CDH20: variants seen among roughly 807,000 people sequenced by gnomAD.
The protein encoded by CDH20 is cadherin-20.
A neutral mutation model predicts 74.2 loss-of-function variants in CDH20; 29 were observed. That is an observed-to-expected ratio of 0.39 (90% confidence interval 0.29 to 0.53). The LOEUF is 0.53. Ranked by LOEUF, CDH20 falls within the 20% of genes least tolerant of loss-of-function variation. CDH20 has a pLI of 0.69. For missense variants in CDH20, 988 were observed against 1,048.3 expected (o/e 0.94, Z 0.79); for synonymous variants, 469 against 405.4 (o/e 1.16, Z -1.88).
At chr18:61,524,621 A>G (rs1297577216) in intron 6 of CDH20, among the ~76,000 whole-genome samples, 1 of 152,226 alleles carries the variant, frequency 6.6e-6, no homozygotes, top group Non-Finnish European at 1.5e-5. Flanking sequence ...GGAAATAAAA[A>G]AAGAACAAAC....
chr18:61,457,542 G>A (rs1909615166), intron 1 of CDH20, among the ~76,000 whole-genome samples: 1 of 152,006 alleles, frequency 6.6e-6, no homozygotes, highest in East Asian at 1.9e-4. Flanking sequence ...TTCCTAGCTG[G>A]GTAATTTTCT....
At chr18:61,531,441 A>G (rs534960944) in intron 7 of CDH20, among the ~76,000 whole-genome samples, 1 of 152,252 alleles carries the variant, frequency 6.6e-6, no homozygotes, top group South Asian at 2.1e-4. Flanking sequence ...TGCATGTGTC[A>G]GGAGCTGAAA....
At chr18:61,366,523 C>A (rs1026686162) in intron 1 of CDH20, among the ~76,000 whole-genome samples, 7 of 151,932 alleles carry the variant, frequency 4.6e-5, no homozygotes, top group African/African-American at 1.7e-4. Context: ...TTTTTTATAA[C>A]AAGTGTTTGA....
chr18:61,382,251 CT>C (rs1911456432), intron 1 of CDH20, among the ~76,000 whole-genome samples: 1 of 152,192 alleles, frequency 6.6e-6, no homozygotes, highest in Non-Finnish European at 1.5e-5. Context: ...TAAGTCTACA[CT>C]TCAAAACATT....
chr18:61,334,696 C>T (rs1766751353), intron 1 of CDH20, among the ~76,000 whole-genome samples: 1 of 152,090 alleles, frequency 6.6e-6, no homozygotes, highest in Admixed American at 6.5e-5. Flanking sequence ...ATCTGGAAGG[C>T]AGCCCGGAGG....
chr18:61,347,311 TATATATATACACAC>T (rs1196562457), intron 1 of CDH20, among the ~76,000 whole-genome samples: 11 of 76,028 alleles, frequency 1.4e-4, no homozygotes, highest in South Asian at 3.9e-4. Context: ...TATATATATA[TATATATATACACAC>T]ACACACACAC....
At chr18:61,501,892 G>A (rs930071809) in intron 4 of CDH20, among the ~76,000 whole-genome samples, 1 of 152,072 alleles carries the variant, frequency 6.6e-6, no homozygotes, top group Non-Finnish European at 1.5e-5. Context: ...GCTCCCGGGG[G>A]GCATCTGTAG....
chr18:61,414,425 A>C (rs1314236242), intron 1 of CDH20, among the ~76,000 whole-genome samples: 1 of 152,182 alleles, frequency 6.6e-6, no homozygotes, highest in Non-Finnish European at 1.5e-5. Context: ...CAAAAGAACT[A>C]AAGGAATTAG....
chr18:61,486,794 C>T (rs767211943), intron 1 of CDH20, among the ~76,000 whole-genome samples: 1 of 152,134 alleles, frequency 6.6e-6, no homozygotes, highest in African/African-American at 2.4e-5. Flanking sequence ...AACAAAGTCA[C>T]GGAGTCGACT....
chr18:61,406,407 G>A (rs569402238), intron 1 of CDH20, among the ~76,000 whole-genome samples: 11 of 152,292 alleles, frequency 7.2e-5, no homozygotes, highest in African/African-American at 2.4e-4. Context: ...CACCTATTAT[G>A]TGCCAGGCAC....
At chr18:61,393,580 C>T (rs1219003289) in intron 1 of CDH20, among the ~76,000 whole-genome samples, 2 of 152,266 alleles carry the variant, frequency 1.3e-5, no homozygotes, top group East Asian at 1.9e-4. Flanking sequence ...GCATCAAATA[C>T]AAATTATATA....
rs137956276 is a variant in CDH20 at position 61,542,557 on chromosome 18, C to A, written c.1531-2470C>A. On this transcript the variant is annotated intron_variant, in intron 9 of 11. Transcript: ENST00000262717. ...CCCAAGTTGAGATGGGATAGCCAGA[C>A]CCGTATACTATCACATTAATTAGTC... 2.0e-5 allele frequency among the ~76,000 whole-genome samples: 3 copies of A among 152,316 alleles called. No individual in the cohort carries two copies. In the East Asian group the frequency reaches 5.8e-4, roughly 29 times the overall value.
intron 6 of CDH20, among the ~76,000 whole-genome samples, chr18:61,518,673 C>A (rs905550563): frequency 4.8e-4 from 73 of 151,328 alleles, no homozygotes; most frequent in Non-Finnish European, 2.4e-4. Context: ...AAAAACAGCA[C>A]AAAAAGGCTG....
intron 1 of CDH20, among the ~76,000 whole-genome samples, chr18:61,488,190 C>A (rs1442442638): frequency 6.6e-6 from 1 of 151,994 alleles, no homozygotes; most frequent in African/African-American, 2.4e-5. Context: ...TAATAGCTAG[C>A]CCTTGATTAA....
chr18:61,451,763 A>G (rs555075123), intron 1 of CDH20, among the ~76,000 whole-genome samples: 3 of 152,148 alleles, frequency 2.0e-5, no homozygotes, highest in South Asian at 4.2e-4. Flanking sequence ...AAAAATCAAG[A>G]GAAGCATTCT....
At chr18:61,459,858 C>T in intron 1 of CDH20, among the ~76,000 whole-genome samples, 1 of 152,140 alleles carries the variant, frequency 6.6e-6, no homozygotes, top group South Asian at 2.1e-4. Context: ...GAGAATGGTG[C>T]TATACTGACA....
intron 1 of CDH20, among the ~76,000 whole-genome samples, chr18:61,399,933 T>C (rs1408951602): frequency 2.6e-5 from 4 of 152,256 alleles, no homozygotes; most frequent in African/African-American, 9.6e-5. Flanking sequence ...AATTGAATTG[T>C]ATTTCCCCCT....
chr18:61,339,696 T>TGTTTG (rs1909877678), intron 1 of CDH20, among the ~76,000 whole-genome samples: 1 of 101,332 alleles, frequency 9.9e-6, no homozygotes, highest in Non-Finnish European at 2.1e-5. Context: ...TTTTTTTTTT[T>TGTTTG]TTTTTTTTTG....
rs1315835991 is a variant in CDH20, at chr18:61,447,074, A to G, written c.-152-43328A>G. 2.0e-5 allele frequency among the ~76,000 whole-genome samples: 3 copies of G among 152,356 alleles called. No homozygotes were observed. The East Asian group carries it at 5.8e-4, about 29-fold the overall frequency. On this transcript the variant is annotated intron_variant, in intron 1 of 11. Coordinates refer to ENST00000262717, the MANE Select transcript of CDH20 (RefSeq NM_031891.4). ...CTTAGGAAGAATGCAAAGTAGTTCT[A>G]TATTTTTCTGGGGCCACAGAACTTT...
Sources: allele counts gnomAD v4.1 joint callset (sites outside exome capture counted in the v4.1 genomes callset), GRCh38; gene constraint gnomAD v4.1.1; transcripts MANE v1.5; gene names NCBI Gene and HGNC (gene_info 2026-07-23, HGNC 2026-07-21).